Variants in SLC14A2 observed in about 807,000 individuals in gnomAD.
The protein encoded by SLC14A2 is urea transporter 2.
Under a neutral mutation model 104.6 loss-of-function variants are expected in SLC14A2, and 91 were observed. The ratio of observed to expected loss-of-function variants is 0.87; its 90% CI spans 0.73 to 1.04. The LOEUF (loss-of-function observed/expected upper bound fraction) is 1.04, where lower values mean the gene tolerates loss of function less well. SLC14A2 is among the 50% of genes least tolerant of loss of function. SLC14A2 has a pLI of 0.00. For missense variants in SLC14A2, 1,189 were observed against 1,156.0 expected (o/e 1.03, Z -0.41); for synonymous variants, 476 against 466.4 (o/e 1.02, Z -0.27).
intron 1 of SLC14A2, among the ~76,000 whole-genome samples, chr18:45,414,647 A>G (rs1437509262): frequency 1.3e-5 from 2 of 150,828 alleles, no homozygotes; most frequent in Admixed American, 1.3e-4. Context: ...TTTCAGAGGA[A>G]AGTTAGTCTT....
chr18:45,313,300 C>A (rs541165820), intron 1 of SLC14A2, among the ~76,000 whole-genome samples: 1 of 152,292 alleles, frequency 6.6e-6, no homozygotes, highest in South Asian at 2.1e-4. Flanking sequence ...TCCTGCTCCA[C>A]ACTAGGAATA....
chr18:45,610,627 G>A (rs903764122), upstream of SLC14A2, among the ~76,000 whole-genome samples: 1 of 152,166 alleles, frequency 6.6e-6, no homozygotes, highest in Admixed American at 6.5e-5. Context: ...AGGAACCCCT[G>A]TCTCCTGGTA....
intron 1 of SLC14A2, among the ~76,000 whole-genome samples, chr18:45,350,943 C>G (rs2085497291): frequency 6.6e-6 from 1 of 152,178 alleles, no homozygotes; most frequent in Non-Finnish European, 1.5e-5. Flanking sequence ...CAGTCATTTT[C>G]TGCATTAAAC....
intron 1 of SLC14A2, among the ~76,000 whole-genome samples, chr18:45,287,510 A>G: frequency 6.6e-6 from 1 of 152,300 alleles, no homozygotes; most frequent in South Asian, 2.1e-4. Flanking sequence ...TCATGGGGAC[A>G]GGGTAGGAGT....
At chr18:45,268,705 G>C (rs1056205895) in intron 1 of SLC14A2, among the ~76,000 whole-genome samples, 2 of 152,222 alleles carry the variant, frequency 1.3e-5, no homozygotes, top group Non-Finnish European at 2.9e-5. Flanking sequence ...AGTCTGGACT[G>C]CAGGCATTTC....
At chr18:45,337,752 G>A (rs968738923) in intron 1 of SLC14A2, among the ~76,000 whole-genome samples, 15 of 152,280 alleles carry the variant, frequency 9.9e-5, no homozygotes, top group Admixed American at 8.5e-4. Flanking sequence ...CTCTGGCATA[G>A]CATCACATGA....
chr18:45,513,851 A>G (rs139910545), intron 2 of SLC14A2, among the ~76,000 whole-genome samples: 55 of 152,272 alleles, frequency 3.6e-4, no homozygotes, highest in Non-Finnish European at 7.8e-4. Context: ...ATCAGCCAAA[A>G]ATGGACCCAG....
intron 2 of SLC14A2, among the ~76,000 whole-genome samples, chr18:45,574,323 G>A (rs1659436959): frequency 6.6e-6 from 1 of 152,210 alleles, no homozygotes; most frequent in South Asian, 2.1e-4. Flanking sequence ...AAGAGAAGAG[G>A]ATAGTGGTGA....
Position 45,270,069 on chromosome 18 carries a change from C to A in SLC14A2, c.-125+56878C>A, listed in dbSNP as rs893750653. Among the ~76,000 whole-genome samples, 4 of 151,850 alleles carry A rather than the reference C, an allele frequency of 2.6e-5. No homozygotes were observed. The South Asian group carries it at 8.3e-4, about 32-fold the overall frequency. ...ACAGATATTTGCATTAAATAAACTG[C>A]CTTTGACTGATGATGGAGGGGTTGG... On this transcript the variant is annotated intron_variant, in intron 1 of 20. Transcript: ENST00000586448.
intron 1 of SLC14A2, among the ~76,000 whole-genome samples, chr18:45,356,929 G>A (rs913353176): frequency 7.2e-5 from 11 of 152,230 alleles, no homozygotes; most frequent in African/African-American, 1.7e-4. Flanking sequence ...CTGGGGCTGG[G>A]CATTTAGCTG....
chr18:45,313,108 A>G (rs1036581696), intron 1 of SLC14A2, among the ~76,000 whole-genome samples: 13 of 152,180 alleles, frequency 8.5e-5, no homozygotes, highest in Admixed American at 2.0e-4. Context: ...TTGGTCCCCT[A>G]TGGAGCTTTC....
intron 18 of SLC14A2, among the ~76,000 whole-genome samples, chr18:45,674,696 G>A (rs752839810): frequency 4.0e-5 from 6 of 151,752 alleles, no homozygotes; most frequent in South Asian, 2.1e-4. Context: ...CTTTAAATAC[G>A]TCATCTCTAC....
At chr18:45,295,969 A>T (rs899582200) in intron 1 of SLC14A2, among the ~76,000 whole-genome samples, 1 of 151,822 alleles carries the variant, frequency 6.6e-6, no homozygotes, top group African/African-American at 2.4e-5. Context: ...CTTAGTGAGG[A>T]ATCTAGTAGG....
the SLC14A2 span, among the ~76,000 whole-genome samples, chr18:45,205,766 T>C: frequency 6.6e-6 from 1 of 152,236 alleles, no homozygotes; most frequent in Non-Finnish European, 1.5e-5. Flanking sequence ...GGTCCCTGGC[T>C]GGACCTATCC....
At chr18:45,448,967 C>T (rs1470980906) in intron 1 of SLC14A2, among the ~76,000 whole-genome samples, 4 of 152,170 alleles carry the variant, frequency 2.6e-5, no homozygotes. Context: ...GGATCACTGA[C>T]CGGAATCTGT....
Position 45,512,560 on chromosome 18 carries a change from C to G in SLC14A2, c.-35+29238C>G, listed in dbSNP as rs541662758. Among the ~76,000 whole-genome samples, 40 of 152,250 alleles carry G rather than the reference C, an allele frequency of 2.6e-4. 1 individual carries two copies. In the South Asian group the frequency reaches 8.3e-3, roughly 32 times the overall value. On this transcript the variant is annotated intron_variant, in intron 2 of 20. Transcript: ENST00000586448. ...TTACTGGAACCCCTTCATCCAGTGC[C>G]ACAGAGAAAGTGCAATTTCCCTCCT...
At chr18:45,206,098 T>G in the SLC14A2 span, among the ~76,000 whole-genome samples, 3 of 152,334 alleles carry the variant, frequency 2.0e-5, no homozygotes, top group South Asian at 6.2e-4. Flanking sequence ...TTATGTGAGA[T>G]AGTGGTCACT....
At chr18:45,421,849 T>C (rs1277764637) in intron 1 of SLC14A2, among the ~76,000 whole-genome samples, 1 of 152,194 alleles carries the variant, frequency 6.6e-6, no homozygotes, top group Non-Finnish European at 1.5e-5. Context: ...CAGCCACTAA[T>C]CCAACGCTGA....
At chr18:45,571,996 T>C (rs1054750543) in intron 2 of SLC14A2, among the ~76,000 whole-genome samples, 2 of 152,168 alleles carry the variant, frequency 1.3e-5, no homozygotes, top group African/African-American at 4.8e-5. Context: ...GACCCCATCC[T>C]GGACCAATTA....
Sources: gnomAD v4.1 joint callset for allele counts (sites outside exome capture counted in the v4.1 genomes callset) on GRCh38, gnomAD v4.1.1 for gene constraint, MANE v1.5 for transcripts, NCBI Gene and HGNC (gene_info 2026-07-23, HGNC 2026-07-21) for gene names.